The following AFF1 variants were observed in gnomAD, a reference collection of about 807,000 sequenced individuals.
AFF1 encodes the protein AF4/FMR2 family member 1.
A neutral mutation model predicts 121.7 loss-of-function variants in AFF1; 48 were observed. The ratio of observed to expected loss-of-function variants is 0.39; its 90% CI spans 0.31 to 0.50. The LOEUF is 0.50. Among genes scored for constraint, AFF1 ranks in the 20% least tolerant of loss-of-function variants. The probability of loss-of-function intolerance (pLI) is 0.76; values close to 1 mark genes in which losing one functional copy is unlikely to be tolerated. For missense variants in AFF1, 1,523 were observed against 1,511.7 expected (o/e 1.01, Z -0.12); for synonymous variants, 613 against 563.0 (o/e 1.09, Z -1.26).
chr4:87,089,924 G>C (rs1724127562), intron 5 of AFF1, 60 bp from the exon 6 acceptor site: 1 of 1,244,794 alleles, frequency 8.0e-7, no homozygotes, highest in South Asian at 1.2e-5. Context: ...AAAATGTTAA[G>C]TAGCAATGAA....
At chr4:86,950,050 G>T (rs1361891206) in intron 2 of AFF1, 5 of 1,613,994 alleles carry the variant, frequency 3.1e-6, no homozygotes, top group Non-Finnish European at 4.2e-6. Context: ...TGTAGAGAGG[G>T]TGATTGATGT....
At chr4:87,018,133 A>T (rs959180836) in intron 2 of AFF1, among the ~76,000 whole-genome samples, 1 of 152,202 alleles carries the variant, frequency 6.6e-6, no homozygotes, top group Non-Finnish European at 1.5e-5. Context: ...TGGCCAATTC[A>T]CACGCATTAA....
intron 2 of AFF1, among the ~76,000 whole-genome samples, chr4:86,995,966 G>A (rs1268168441): frequency 8.3e-5 from 9 of 108,284 alleles, no homozygotes; most frequent in Non-Finnish European, 9.1e-5. Flanking sequence ...CGGCCGCCCC[G>A]TCTGAGAAGT....
intron 2 of AFF1, among the ~76,000 whole-genome samples, chr4:87,023,106 T>G (rs340646): frequency 0.93 from 141,597 of 151,936 alleles, 66,394 homozygotes; most frequent in Non-Finnish European, 0.98. Context: ...ATGGGGTCTT[T>G]CTTTGTTGTT....
chr4:87,128,980 C>T (rs143328280), intron 16 of AFF1, among the ~76,000 whole-genome samples: 3 of 152,320 alleles, frequency 2.0e-5, no homozygotes, highest in African/African-American at 7.2e-5. Flanking sequence ...ACATTGGATA[C>T]TTTCAGTACT....
intron 2 of AFF1, among the ~76,000 whole-genome samples, chr4:87,010,236 A>G (rs1726598137): frequency 6.6e-6 from 1 of 152,206 alleles, no homozygotes; most frequent in South Asian, 2.1e-4. Context: ...TTAAAGCTGG[A>G]AGACATTTCT....
intron 2 of AFF1, among the ~76,000 whole-genome samples, chr4:87,009,456 T>C (rs955300870): frequency 1.3e-5 from 2 of 152,196 alleles, no homozygotes; most frequent in Non-Finnish European, 2.9e-5. Context: ...ATCAGTGTGG[T>C]GGTTCAACTT....
chr4:87,006,232 GTC>G (rs1726108169), intron 2 of AFF1, among the ~76,000 whole-genome samples: 1 of 152,188 alleles, frequency 6.6e-6, no homozygotes, highest in East Asian at 1.9e-4. Context: ...TCATCTAAGA[GTC>G]TTCAGCTCCT....
intron 4 of AFF1, among the ~76,000 whole-genome samples, chr4:87,069,781 A>G (rs967941748): frequency 6.6e-6 from 1 of 152,042 alleles, no homozygotes; most frequent in Non-Finnish European, 1.5e-5. Context: ...AATTCAAAAC[A>G]TAAGTATTAA....
In AFF1 at chr4:87,082,390, T is replaced by C. The variant is rs536768366; in HGVS notation, c.1060-1730T>C. On this transcript the variant is annotated intron_variant, in intron 4 of 20. Transcript: ENST00000395146. The stretch of plus-strand genomic sequence containing the variant: ...TTAAAAACAAAAAGGCCTGGTTGTT[T>C]GCATGTGTAATGCTAGAGATGATTC... Among the ~76,000 whole-genome samples the C allele has an allele frequency of 3.3e-4, 51 of 152,320 alleles. No individual in the cohort carries two copies. The East Asian group carries it at 9.6e-3, about 29-fold the overall frequency.
intron 10 of AFF1, among the ~76,000 whole-genome samples, chr4:87,107,092 C>CA (rs72613563): frequency 1.7e-4 from 17 of 99,648 alleles, no homozygotes; most frequent in African/African-American, 5.3e-4. Context: ...CTTCAGCTGC[C>CA]ATGGAGACAG....
intron 2 of AFF1, among the ~76,000 whole-genome samples, chr4:87,018,458 A>G (rs568154907): frequency 1.3e-5 from 2 of 152,382 alleles, no homozygotes; most frequent in Non-Finnish European, 2.9e-5. Flanking sequence ...AAGCCATGAC[A>G]CAGAGAAAGG....
intron 1 of AFF1, among the ~76,000 whole-genome samples, chr4:86,947,802 T>A (rs556168253): frequency 7.9e-6 from 1 of 125,884 alleles, no homozygotes; most frequent in South Asian, 2.8e-4. Flanking sequence ...ATAGTTGTTT[T>A]ATTTCGGTTT....
At chr4:87,060,548 G>A (rs1443674527) in intron 4 of AFF1, among the ~76,000 whole-genome samples, 1 of 152,054 alleles carries the variant, frequency 6.6e-6, no homozygotes, top group Admixed American at 6.5e-5. Flanking sequence ...AGTAACTTAA[G>A]AATTATTGGG....
intron 13 of AFF1, 32 bp downstream of exon 13, chr4:87,125,175 A>G: frequency 6.6e-7 from 1 of 1,510,350 alleles, no homozygotes; most frequent in Non-Finnish European, 9.0e-7. Flanking sequence ...CACCTAATCT[A>G]CGGTGATCAA....
At chr4:87,073,002 A>T (rs1030699410) in intron 4 of AFF1, among the ~76,000 whole-genome samples, 22 of 152,084 alleles carry the variant, frequency 1.4e-4, no homozygotes, top group Admixed American at 3.3e-4. Flanking sequence ...CCAAATTTAT[A>T]TGCAGAGATA....
intron 16 of AFF1, 42 bp downstream of exon 16, chr4:87,127,745 A>G: frequency 1.2e-6 from 2 of 1,605,412 alleles, no homozygotes; most frequent in Non-Finnish European, 1.7e-6. Context: ...ATGTTTTCTG[A>G]TAGTAAAAAA....
rs776558043 is a variant in AFF1 at position 87,091,803 on chromosome 4, A to G, written c.1202A>G (p.His401Arg). ...TTATTTTCTTTCTAGGACTCTCAGC[A>G]TGTCAGTTCTGTAACCCAAAACCAA... Reference protein sequence around the residue: ...KFPFPTKDSQHVSSVTQNQKQ... With the variant: ...KFPFPTKDSQRVSSVTQNQKQ... The change falls in exon 7 of 21, where the codon CAT (histidine) becomes CGT (arginine). Residue 401 changes from histidine (H) to arginine (R), a missense_variant. This residue lies in a region of AFF1 where 905 missense variants were observed against 842.5 expected (regional missense o/e 1.07). Coordinates refer to ENST00000395146, the MANE Select transcript of AFF1 (RefSeq NM_001166693.3). 2 of 1,555,214 alleles carry G rather than the reference A, an allele frequency of 1.3e-6. No individual in the cohort carries two copies. The highest frequency in any genetic ancestry group is 2.0e-5 in the Admixed American group (1 of 49,668).
intron 4 of AFF1, among the ~76,000 whole-genome samples, chr4:87,052,477 C>T (rs192642385): frequency 2.5e-4 from 38 of 152,080 alleles, no homozygotes; most frequent in African/African-American, 8.7e-4. Flanking sequence ...ATGGCTAGAA[C>T]ACTGAGAGTG....
Sources: allele counts gnomAD v4.1 joint callset (sites outside exome capture counted in the v4.1 genomes callset), GRCh38; gene constraint gnomAD v4.1.1; regional missense constraint gnomAD v4.1.1; transcripts MANE v1.5; gene names NCBI Gene and HGNC (gene_info 2026-07-23, HGNC 2026-07-21).